FHL2: variants seen among roughly 807,000 people sequenced by gnomAD.
The protein encoded by FHL2 is four and a half LIM domains protein 2.
FHL2 carries 20 observed loss-of-function variants against 32.7 expected under a neutral mutation model. The ratio of observed to expected loss-of-function variants is 0.61; its 90% CI spans 0.43 to 0.89. The LOEUF (loss-of-function observed/expected upper bound fraction) is 0.89, where lower values mean the gene tolerates loss of function less well. Among genes scored for constraint, FHL2 ranks in the 40% least tolerant of loss-of-function variants. FHL2 has a pLI of 0.00. For synonymous variants in FHL2, 123 were observed against 128.1 expected, an observed-to-expected ratio of 0.96 and a Z score of 0.27; for missense variants, 311 against 358.6, an observed-to-expected ratio of 0.87 and a Z score of 1.07.
intron 1 of FHL2, among the ~76,000 whole-genome samples, chr2:105,423,079 G>T (rs749033323): frequency 1.3e-5 from 2 of 152,130 alleles, no homozygotes; most frequent in African/African-American, 2.4e-5. Context: ...GGTATCAAGC[G>T]TCAGGTCCCT....
intron 5 of FHL2, among the ~76,000 whole-genome samples, chr2:105,367,128 C>T (rs1680692656): frequency 1.3e-5 from 2 of 152,204 alleles, no homozygotes; most frequent in South Asian, 4.1e-4. Flanking sequence ...GCAGACTTTT[C>T]TCCTTTACTT....
Position 105,386,150 on chromosome 2 carries a change from T to A in FHL2, c.156+211A>T, listed in dbSNP as rs1682291731. 9 of 501,770 alleles carry A rather than the reference T, an allele frequency of 1.8e-5. No individual in the cohort carries two copies. The East Asian group carries it at 2.5e-4, about 14-fold the overall frequency. 31.1% of individuals were successfully genotyped at this position (501,770 alleles called of 1,614,324 possible). On this transcript the variant is annotated intron_variant, in intron 3 of 6. Coordinates refer to ENST00000530340, the MANE Select transcript of FHL2 (RefSeq NM_001318895.3). ...TACTTAGAGATACTAAGCACAAAAG[T>A]CCTGGCAAGGCCCTCACCCAGTGCT...
chr2:105,408,767 T>C (rs1683709281), intron 1 of FHL2, among the ~76,000 whole-genome samples: 1 of 152,190 alleles, frequency 6.6e-6, no homozygotes, highest in Non-Finnish European at 1.5e-5. Context: ...TCTTATTTAT[T>C]AGCATATTTT....
At chr2:105,375,138 T>A (rs1181004158) in intron 3 of FHL2, 1 of 142,224 alleles carries the variant, frequency 7.0e-6, no homozygotes, top group Non-Finnish European at 1.6e-5. Context: ...GAAGTATGTG[T>A]GTGTGTGTGT....
intron 1 of FHL2, among the ~76,000 whole-genome samples, chr2:105,436,561 T>C (rs1684618277): frequency 6.6e-6 from 1 of 152,092 alleles, no homozygotes; most frequent in Non-Finnish European, 1.5e-5. Flanking sequence ...GATTTATATA[T>C]ACATATATAT....
rs182892992 is a variant in FHL2 at position 105,368,370 on chromosome 2, C to T, written c.332-631G>A. 3.3e-5 allele frequency among the ~76,000 whole-genome samples: 5 copies of T among 152,236 alleles called. No individual in the cohort carries two copies. The East Asian group carries it at 9.6e-4, about 29-fold the overall frequency. On this transcript the variant is annotated intron_variant, in intron 4 of 6. Coordinates refer to ENST00000530340, the MANE Select transcript of FHL2 (RefSeq NM_001318895.3). Reference sequence around the variant, plus strand: ...TTTTCGAGACAGGGTCTCACTCTGTCACCCAGGCTGGAGTGCAGTGGTGCG... The same window carrying T: ...TTTTCGAGACAGGGTCTCACTCTGTTACCCAGGCTGGAGTGCAGTGGTGCG...
chr2:105,405,086 G>C (rs1683586543), intron 1 of FHL2, among the ~76,000 whole-genome samples: 1 of 152,158 alleles, frequency 6.6e-6, no homozygotes, highest in Non-Finnish European at 1.5e-5. Context: ...AATGTTGCTG[G>C]ATGGTTTCAG....
At chr2:105,431,026 T>G (rs1684415988) in intron 1 of FHL2, among the ~76,000 whole-genome samples, 1 of 152,214 alleles carries the variant, frequency 6.6e-6, no homozygotes, top group Non-Finnish European at 1.5e-5. Context: ...CGAAATAAAT[T>G]AGTTATGCTT....
At chr2:105,378,286 A>G (rs1681621273) in intron 3 of FHL2, 22 of 434,698 alleles carry the variant, frequency 5.1e-5, no homozygotes, top group South Asian at 3.9e-4. Context: ...TGTGGATATT[A>G]TCCACATGTT....
At chr2:105,416,844 C>T (rs997233123) in intron 1 of FHL2, among the ~76,000 whole-genome samples, 2 of 152,200 alleles carry the variant, frequency 1.3e-5, no homozygotes, top group Non-Finnish European at 2.9e-5. Context: ...AAAACAAAAA[C>T]AAATACTGTC....
intron 1 of FHL2, among the ~76,000 whole-genome samples, chr2:105,431,219 G>A (rs757701067): frequency 6.6e-6 from 1 of 152,152 alleles, no homozygotes; most frequent in Non-Finnish European, 1.5e-5. Context: ...CATTTATTTA[G>A]CATCTAGTAG....
At chr2:105,433,034 A>T (rs562213641) in intron 1 of FHL2, among the ~76,000 whole-genome samples, 157 of 152,302 alleles carry the variant, frequency 1.0e-3, no homozygotes, top group African/African-American at 3.7e-3. Context: ...TCAGTTGTGC[A>T]CTGTGTGCAG....
rs150063294 is a variant in FHL2, at chr2:105,395,029, C to G, written c.-25+1618G>C. Reference sequence around the variant, plus strand: ...TTACACTTGTTTTGATGTCGTTCAGCCTTTTGAACCCAGCCGACAAGAATG... The same window carrying G: ...TTACACTTGTTTTGATGTCGTTCAGGCTTTTGAACCCAGCCGACAAGAATG... On this transcript the variant is annotated intron_variant, in intron 2 of 6. Coordinates refer to ENST00000530340, the MANE Select transcript of FHL2 (RefSeq NM_001318895.3). Among the ~76,000 whole-genome samples the G allele has an allele frequency of 5.2e-3, 790 of 152,314 alleles. 37 individuals carry two copies. The highest frequency in any genetic ancestry group is 0.044 in the Admixed American group (672 of 15,302).
intron 1 of FHL2, among the ~76,000 whole-genome samples, chr2:105,436,260 G>T (rs989627589): frequency 3.3e-5 from 5 of 152,150 alleles, no homozygotes; most frequent in Non-Finnish European, 5.9e-5. Flanking sequence ...AAGGCGCAAG[G>T]TGGTTGAGTT....
chr2:105,379,108 T>C (rs1448046177), intron 3 of FHL2, among the ~76,000 whole-genome samples: 1 of 152,202 alleles, frequency 6.6e-6, no homozygotes, highest in Non-Finnish European at 1.5e-5. Context: ...AAATGCCAGA[T>C]TGACTAAACT....
intron 1 of FHL2, among the ~76,000 whole-genome samples, chr2:105,421,470 C>T (rs1684101719): frequency 6.6e-6 from 1 of 152,216 alleles, no homozygotes; most frequent in South Asian, 2.1e-4. Context: ...ACACTATTCT[C>T]TTAACACAAA....
intron 1 of FHL2, among the ~76,000 whole-genome samples, chr2:105,427,378 A>G (rs1029116871): frequency 6.6e-6 from 1 of 152,196 alleles, no homozygotes. Flanking sequence ...GACCCATGAT[A>G]TGCACTATGA....
At chr2:105,386,967 G>T (rs1682370088) in intron 2 of FHL2, among the ~76,000 whole-genome samples, 1 of 151,950 alleles carries the variant, frequency 6.6e-6, no homozygotes, top group Non-Finnish European at 1.5e-5. Context: ...GTTTTACCAT[G>T]TTGGCTAGGC....
chr2:105,370,773 T>G (rs1284885705), intron 4 of FHL2, among the ~76,000 whole-genome samples: 1 of 152,188 alleles, frequency 6.6e-6, no homozygotes, highest in Non-Finnish European at 1.5e-5. Flanking sequence ...CCGGGATTCT[T>G]CTAGACGCCC....
Sources: allele counts gnomAD v4.1 joint callset (sites outside exome capture counted in the v4.1 genomes callset), GRCh38; gene constraint gnomAD v4.1.1; transcripts MANE v1.5; gene names NCBI Gene and HGNC (gene_info 2026-07-23, HGNC 2026-07-21).